Variants in STX8 observed in about 807,000 individuals in gnomAD.
STX8 encodes the protein syntaxin 8.
A neutral mutation model predicts 37.5 loss-of-function variants in STX8; 23 were observed. The ratio of observed to expected loss-of-function variants is 0.61; its 90% CI spans 0.44 to 0.87. The LOEUF (loss-of-function observed/expected upper bound fraction) is 0.87. Ranked by LOEUF, STX8 falls within the 40% of genes least tolerant of loss-of-function variation. The pLI is 0.00. For missense variants in STX8, 313 were observed against 284.7 expected (o/e 1.10, Z -0.71); for synonymous variants, 115 against 99.1 (o/e 1.16, Z -0.95).
chr17:9,372,113 T>C (rs530529743), intron 7 of STX8, among the ~76,000 whole-genome samples: 1 of 152,312 alleles, frequency 6.6e-6, no homozygotes, highest in African/African-American at 2.4e-5. Flanking sequence ...TCAAACCAAA[T>C]TCATGGTATG....
intron 7 of STX8, among the ~76,000 whole-genome samples, chr17:9,342,626 G>A (rs959267747): frequency 4.6e-5 from 7 of 152,142 alleles, no homozygotes; most frequent in African/African-American, 1.4e-4. Context: ...TGTGTGGCGC[G>A]TGTGTTTATG....
intron 7 of STX8, chr17:9,283,397 C>G (rs140333902): frequency 6.6e-6 from 1 of 152,026 alleles, no homozygotes; most frequent in African/African-American, 2.4e-5. Flanking sequence ...AAAAATTAGC[C>G]GGGTGTGGTG....
At chr17:9,465,858 G>C (rs1905591567) in intron 6 of STX8, among the ~76,000 whole-genome samples, 1 of 152,252 alleles carries the variant, frequency 6.6e-6, no homozygotes, top group African/African-American at 2.4e-5. Context: ...CTACATACAA[G>C]GGATGAGGTT....
chr17:9,409,559 T>C (rs151314154), intron 6 of STX8, among the ~76,000 whole-genome samples: 1,587 of 152,184 alleles, frequency 0.01, 18 homozygotes, highest in South Asian at 0.029. Context: ...TCAGGGAGAG[T>C]TTAAAACTGC....
At chr17:9,481,328 A>G (rs1906333566) in intron 6 of STX8, among the ~76,000 whole-genome samples, 1 of 152,214 alleles carries the variant, frequency 6.6e-6, no homozygotes, top group Admixed American at 6.5e-5. Flanking sequence ...TCCACCTGCC[A>G]AAGAGTAACA....
chr17:9,322,814 TAAAAAAAAAAA>T lies in STX8; in HGVS notation c.643+55727_643+55737del, dbSNP rs59941529. ...CCAAACCCAATTTGGGTGCATTTGCTAAAAAAAAAAAAAAAAAAAAAAAAAAGAGGCAAAAC... is the reference window on the plus strand; with the variant it reads ...CCAAACCCAATTTGGGTGCATTTGCTAAAAAAAAAAAAAAAGAGGCAAAAC... On this transcript the variant is annotated intron_variant, in intron 7 of 7. Coordinates refer to ENST00000306357, the MANE Select transcript of STX8 (RefSeq NM_004853.3). 3.6e-4 allele frequency among the ~76,000 whole-genome samples: 23 copies of T among 64,708 alleles called. No homozygotes were observed. In the South Asian group the frequency reaches 9.6e-3, roughly 27 times the overall value. 42.5% of individuals were successfully genotyped at this position (64,708 alleles called of 152,430 possible).
At position 9,270,349 on chromosome 17, in the gene STX8, G is replaced by A. The variant is rs369157402; in HGVS notation, c.644-19704C>T. Among the ~76,000 whole-genome samples the A allele has an allele frequency of 7.7e-4, 117 of 152,228 alleles. 1 individual carries two copies. In the East Asian group the frequency reaches 0.02, roughly 26 times the overall value. On this transcript the variant is annotated intron_variant, in intron 7 of 7. Coordinates refer to ENST00000306357, the MANE Select transcript of STX8 (RefSeq NM_004853.3). ...AAGCACCGCCGTCTCCTGGGTTCAC[G>A]CCATTCTCCTCCCTCAGCCTCCCAA...
rs1184612384 is a variant in STX8, at chr17:9,380,747, C to A, written c.542-2094G>T. ...TTTTTTTTTTAGAGGGAGTCTCACT[C>A]TTGTCGCCCAGGCTGGAGTGCAGTG... On this transcript the variant is annotated intron_variant, in intron 6 of 7. Coordinates refer to ENST00000306357, the MANE Select transcript of STX8 (RefSeq NM_004853.3). Among the ~76,000 whole-genome samples, 18 of 117,556 alleles carry A rather than the reference C, an allele frequency of 1.5e-4. 1 individual carries two copies. Among genetic ancestry groups the A allele is most frequent in the Non-Finnish European group, 1.7e-5 (1 of 60,508 alleles). The allele number at this position is 117,556 out of a possible 152,430, so 77.1% of individuals were successfully genotyped here. A position where few individuals can be genotyped will look rare whatever the true frequency, so the allele number is the denominator to read the frequency against.
chr17:9,426,044 A>T (rs575178893), intron 6 of STX8, among the ~76,000 whole-genome samples: 4 of 135,158 alleles, frequency 3.0e-5, no homozygotes, highest in African/African-American at 1.2e-4. Flanking sequence ...CACCCTGTTA[A>T]TTAGAACCTA....
At chr17:9,380,127 C>T (rs1038890586) in intron 6 of STX8, among the ~76,000 whole-genome samples, 3 of 151,918 alleles carry the variant, frequency 2.0e-5, no homozygotes, top group Admixed American at 1.3e-4. Flanking sequence ...TTTATATTTA[C>T]AAACCTATAG....
chr17:9,512,136 GAATT>G (rs1375469566), intron 4 of STX8, among the ~76,000 whole-genome samples: 3 of 152,124 alleles, frequency 2.0e-5, no homozygotes, highest in South Asian at 2.1e-4. Flanking sequence ...TGGATTGGAA[GAATT>G]AATATTGTTA....
intron 2 of STX8, 90 bp from the exon 3 acceptor site, chr17:9,557,618 GATGCAACC>G (rs1412624626): frequency 1.1e-5 from 12 of 1,123,664 alleles, no homozygotes; most frequent in Non-Finnish European, 1.6e-5. Context: ...CACGGGCTAT[GATGCAACC>G]AAGCAAGGGC....
intron 7 of STX8, among the ~76,000 whole-genome samples, chr17:9,254,006 C>G (rs140314627): frequency 6.6e-6 from 1 of 152,140 alleles, no homozygotes. Context: ...CTGCTTTCCC[C>G]GGTCCCTGCT....
In STX8 at chr17:9,372,902, G is replaced by A. The variant is rs147334333; in HGVS notation, c.643+5650C>T. 6.3e-3 allele frequency among the ~76,000 whole-genome samples: 946 copies of A among 150,258 alleles called. 5 individuals are homozygous for A. The highest frequency in any genetic ancestry group is 0.017 in the Middle Eastern group (5 of 290). On this transcript the variant is annotated intron_variant, in intron 7 of 7. Transcript: ENST00000306357. Reference sequence around the variant, plus strand: ...GCAGATCACCTGAGGTCAGGAGATCGAGACCAGCCTGACCAACATGGAGAA... The same window carrying A: ...GCAGATCACCTGAGGTCAGGAGATCAAGACCAGCCTGACCAACATGGAGAA...
chr17:9,287,140 A>G (rs1229451215), intron 7 of STX8, among the ~76,000 whole-genome samples: 2 of 152,218 alleles, frequency 1.3e-5, no homozygotes, highest in Admixed American at 1.3e-4. Flanking sequence ...ATCCCATCAG[A>G]TACAGCAACA....
intron 6 of STX8, among the ~76,000 whole-genome samples, chr17:9,418,716 A>T (rs1166525238): frequency 6.7e-6 from 1 of 149,694 alleles, no homozygotes; most frequent in African/African-American, 2.4e-5. Flanking sequence ...AGTCTCAGCT[A>T]CTTGGGAGGC....
At chr17:9,535,454 A>G (rs1906001714) in intron 4 of STX8, among the ~76,000 whole-genome samples, 1 of 25,780 alleles carries the variant, frequency 3.9e-5, no homozygotes, top group East Asian at 2.4e-3. Context: ...TTTTTTTGAG[A>G]CGGAGTCTTG....
intron 7 of STX8, among the ~76,000 whole-genome samples, chr17:9,294,576 C>G (rs1247261329): frequency 6.6e-6 from 1 of 152,110 alleles, no homozygotes; most frequent in Non-Finnish European, 1.5e-5. Context: ...TTAGAGACTT[C>G]CAGGGATGGG....
intron 2 of STX8, among the ~76,000 whole-genome samples, chr17:9,559,521 G>A (rs564876045): frequency 6.6e-6 from 1 of 150,590 alleles, no homozygotes; most frequent in Admixed American, 6.6e-5. Flanking sequence ...ATAAACAAAA[G>A]AAACACAAAA....
Sources: gnomAD v4.1 joint callset for allele counts (sites outside exome capture counted in the v4.1 genomes callset) on GRCh38, gnomAD v4.1.1 for gene constraint, MANE v1.5 for transcripts, NCBI Gene and HGNC (gene_info 2026-07-23, HGNC 2026-07-21) for gene names.